Variants in PIWIL3 observed in about 807,000 individuals in gnomAD.
PIWIL3 encodes piwi like RNA-mediated gene silencing 3.
A neutral mutation model predicts 109.7 loss-of-function variants in PIWIL3; 101 were observed. The observed-to-expected ratio is 0.92, with a 90% CI of 0.78 to 1.09. The LOEUF (loss-of-function observed/expected upper bound fraction) is 1.09. PIWIL3 is among the 50% of genes least tolerant of loss of function. The pLI is 0.00. For missense variants in PIWIL3, 1,031 were observed against 1,072.6 expected, an observed-to-expected ratio of 0.96 and a Z score of 0.54; for synonymous variants, 373 against 376.4, an observed-to-expected ratio of 0.99 and a Z score of 0.10.
chr22:24,721,008 C>T (rs574777265), intron 19 of PIWIL3, among the ~76,000 whole-genome samples: 5 of 152,274 alleles, frequency 3.3e-5, no homozygotes, highest in East Asian at 3.9e-4. Flanking sequence ...TATACTCCAT[C>T]GTAACTGATC....
chr22:24,746,627 A>T (rs1365633655), intron 12 of PIWIL3, among the ~76,000 whole-genome samples: 2 of 73,544 alleles, frequency 2.7e-5, no homozygotes, highest in African/African-American at 8.7e-5. Flanking sequence ...GAAAAATCTA[A>T]CGACTCCAAA....
At chr22:24,764,331 T>C (rs4820611) in intron 1 of PIWIL3, among the ~76,000 whole-genome samples, 100,817 of 151,996 alleles carry the variant, frequency 0.66, 33,648 homozygotes, top group East Asian at 0.75. Context: ...TGCCAGGTGC[T>C]CTTACAAAAC....
At position 24,723,162 on chromosome 22, in the gene PIWIL3, T is replaced by C. The variant is rs1229556945; in HGVS notation, c.2325A>G (p.Thr775=). Residue 775 remains threonine, a synonymous_variant, in exon 19 of 21, where the codon ACA becomes ACG. Coordinates refer to ENST00000616349, the MANE Select transcript of PIWIL3 (RefSeq NM_001255975.1). ...TCCTAGTCAACTCTACATCAATAAC[T>C]GTTCCTGGAGGTGGATTTTGAAAAT... is the stretch of plus-strand genomic sequence containing the variant. The part of the protein sequence containing the change: ...GSNFQNPPPG[T]VIDVELTRNE... 5 of 1,612,894 alleles carry C rather than the reference T, an allele frequency of 3.1e-6. No homozygotes were observed. The South Asian group carries it at 5.5e-5, about 18-fold the overall frequency.
chr22:24,723,849 G>A lies in PIWIL3; in HGVS notation c.2232-594C>T, dbSNP rs144012266. 5.5e-3 allele frequency among the ~76,000 whole-genome samples: 832 copies of A among 152,130 alleles called. 7 individuals are homozygous for A. The highest frequency in any genetic ancestry group is 0.018 in the African/African-American group (759 of 41,480). On this transcript the variant is annotated intron_variant, in intron 18 of 20. Coordinates refer to ENST00000616349, the MANE Select transcript of PIWIL3 (RefSeq NM_001255975.1). ...ACCACCACGCCTGGCTAATTCTTGTGTTTTTATTAGTAGAGATGGGGTTTC... is the reference window on the plus strand; with the variant it reads ...ACCACCACGCCTGGCTAATTCTTGTATTTTTATTAGTAGAGATGGGGTTTC...
chr22:24,751,109 A>G (rs1425731875), intron 9 of PIWIL3, among the ~76,000 whole-genome samples: 3 of 151,772 alleles, frequency 2.0e-5, no homozygotes, highest in African/African-American at 7.3e-5. Flanking sequence ...GGGAGACGGA[A>G]CGAGACTCCA....
At chr22:24,741,826 C>G (rs893187272) in intron 12 of PIWIL3, among the ~76,000 whole-genome samples, 10 of 150,564 alleles carry the variant, frequency 6.6e-5, no homozygotes, top group Non-Finnish European at 1.3e-4. Context: ...CATTCCCCCC[C>G]AAGAACTGCA....
At chr22:24,738,704 A>G (rs142904546) in intron 12 of PIWIL3, among the ~76,000 whole-genome samples, 92 of 152,376 alleles carry the variant, frequency 6.0e-4, no homozygotes, top group Middle Eastern at 6.8e-3. Flanking sequence ...GACTTAGATC[A>G]CAATACCCAA....
chr22:24,739,529 A>G (rs1363460713), intron 12 of PIWIL3, among the ~76,000 whole-genome samples: 2 of 152,166 alleles, frequency 1.3e-5, no homozygotes, highest in African/African-American at 4.8e-5. Context: ...AGAAGAGAGT[A>G]GCATAACATC....
chr22:24,757,229 A>G (rs1382270956), intron 4 of PIWIL3, among the ~76,000 whole-genome samples: 1 of 152,182 alleles, frequency 6.6e-6, no homozygotes, highest in Admixed American at 6.5e-5. Context: ...GAAGTTTAAG[A>G]TACTGAATAG....
chr22:24,758,582 A>G (rs1451418386), intron 3 of PIWIL3, among the ~76,000 whole-genome samples: 1 of 152,210 alleles, frequency 6.6e-6, no homozygotes, highest in African/African-American at 2.4e-5. Flanking sequence ...GACGAGAGGC[A>G]TCCTGAAGGA....
intron 8 of PIWIL3, 70 bp from the exon 9 acceptor site, chr22:24,751,568 A>G (rs1924713224): frequency 5.1e-6 from 8 of 1,560,942 alleles, no homozygotes; most frequent in Admixed American, 2.0e-5. Context: ...CAGAAAATAG[A>G]CATTTTTAAT....
chr22:24,749,978 A>C (rs373964191), intron 9 of PIWIL3, among the ~76,000 whole-genome samples, 159 bp from the exon 10 acceptor site: 6 of 152,252 alleles, frequency 3.9e-5, no homozygotes, highest in African/African-American at 1.4e-4. Flanking sequence ...GAATACTCTC[A>C]AAATTCTCTT....
intron 12 of PIWIL3, among the ~76,000 whole-genome samples, chr22:24,741,361 C>T (rs1419889886): frequency 6.6e-6 from 1 of 152,028 alleles, no homozygotes; most frequent in Non-Finnish European, 1.5e-5. Flanking sequence ...AAAAATTAGC[C>T]GGGCCTGGTG....
intron 12 of PIWIL3, among the ~76,000 whole-genome samples, chr22:24,742,151 C>CAAAAAAAAAAA (rs61071998): frequency 1.1e-5 from 1 of 94,588 alleles, no homozygotes; most frequent in Non-Finnish European, 2.1e-5. Flanking sequence ...ACAATAGCTG[C>CAAAAAAAAAAA]AAAAAAAAAA....
chr22:24,772,762 C>T (rs755924461), intron 1 of PIWIL3, among the ~76,000 whole-genome samples: 15 of 152,172 alleles, frequency 9.9e-5, no homozygotes, highest in Non-Finnish European at 2.1e-4. Flanking sequence ...AGAAGGAGAA[C>T]TGAAGAAGTG....
At chr22:24,756,803 G>T in intron 4 of PIWIL3, 98 bp from the exon 5 acceptor site, 1 of 1,069,648 alleles carries the variant, frequency 9.3e-7, no homozygotes, top group South Asian at 1.5e-5. Flanking sequence ...GTTAGGGCTG[G>T]GCACGGTGGC....
chr22:24,747,128 G>C (rs1924420568), intron 12 of PIWIL3, among the ~76,000 whole-genome samples: 1 of 151,638 alleles, frequency 6.6e-6, no homozygotes, highest in Non-Finnish European at 1.5e-5. Flanking sequence ...CATAAAAACA[G>C]ACATATAGAC....
chr22:24,725,876 T>C (rs1031805277), intron 16 of PIWIL3, among the ~76,000 whole-genome samples: 5 of 152,180 alleles, frequency 3.3e-5, no homozygotes, highest in Admixed American at 6.6e-5. Context: ...GGCTCCTCCA[T>C]GTTCCCCCTC....
chr22:24,745,614 A>C (rs1924306379), intron 12 of PIWIL3, among the ~76,000 whole-genome samples: 1 of 152,010 alleles, frequency 6.6e-6, no homozygotes, highest in Non-Finnish European at 1.5e-5. Flanking sequence ...AAGATCATAG[A>C]GCCAAGAAAA....
Sources: gnomAD v4.1 joint callset for allele counts (sites outside exome capture counted in the v4.1 genomes callset) on GRCh38, gnomAD v4.1.1 for gene constraint, MANE v1.5 for transcripts, NCBI Gene and HGNC (gene_info 2026-07-23, HGNC 2026-07-21) for gene names.